Variants in VCL observed in about 807,000 individuals in gnomAD.
VCL encodes the protein vinculin.
In VCL, 47 loss-of-function variants were observed where a neutral mutation model predicts 125.7. The observed-to-expected ratio is 0.37, with a 90% CI of 0.30 to 0.48. The LOEUF is 0.48. VCL is among the 20% of genes least tolerant of loss of function. The pLI is 0.99. For synonymous variants in VCL, 458 were observed against 514.6 expected, an observed-to-expected ratio of 0.89 and a Z score of 1.49; for missense variants, 1,069 against 1,455.5, an observed-to-expected ratio of 0.73 and a Z score of 4.32.
intron 1 of VCL, among the ~76,000 whole-genome samples, chr10:74,007,965 G>C (rs1840351333): frequency 6.6e-6 from 1 of 151,910 alleles, no homozygotes; most frequent in Middle Eastern, 3.2e-3. Context: ...ACCATGGACG[G>C]CTAATTTTTG....
chr10:74,013,811 C>A (rs986387168), intron 1 of VCL, among the ~76,000 whole-genome samples: 3 of 152,048 alleles, frequency 2.0e-5, no homozygotes, highest in Non-Finnish European at 4.4e-5. Context: ...GAGCTAAGAG[C>A]TTTATGAGTG....
chr10:74,015,316 G>A (rs1840516672), intron 1 of VCL, among the ~76,000 whole-genome samples: 1 of 152,188 alleles, frequency 6.6e-6, no homozygotes, highest in Non-Finnish European at 1.5e-5. Flanking sequence ...ACTTTGGGGG[G>A]CCCAGGCGGG....
intron 7 of VCL, 42 bp downstream of exon 7, chr10:74,082,586 G>T (rs950580884): frequency 6.2e-7 from 1 of 1,601,250 alleles, no homozygotes; most frequent in Non-Finnish European, 8.6e-7. Context: ...ACAACGAGAA[G>T]CTAAAAACCA....
chr10:74,093,704 CAGG>C (rs1839924685), intron 10 of VCL, among the ~76,000 whole-genome samples: 1 of 151,966 alleles, frequency 6.6e-6, no homozygotes, highest in Non-Finnish European at 1.5e-5. Context: ...AAGGCTGAGG[CAGG>C]AGGATTGCTG....
chr10:74,095,893 C>T (rs200750087), intron 12 of VCL, 38 bp downstream of exon 12: 1 of 1,602,858 alleles, frequency 6.2e-7, no homozygotes, highest in African/African-American at 1.3e-5. Flanking sequence ...ACTTTTTATG[C>T]TTCCTATTAT....
intron 10 of VCL, among the ~76,000 whole-genome samples, chr10:74,091,069 G>C (rs997194644): frequency 1.3e-5 from 2 of 152,058 alleles, no homozygotes; most frequent in African/African-American, 4.8e-5. Flanking sequence ...CCAAAGTTTT[G>C]GGATTACAGG....
At chr10:74,065,190 G>A (rs1316810675) in intron 2 of VCL, among the ~76,000 whole-genome samples, 3 of 148,842 alleles carry the variant, frequency 2.0e-5, no homozygotes, top group African/African-American at 7.5e-5. Flanking sequence ...AGGCTGAAGT[G>A]CAGTGGCGTG....
chr10:74,020,086 T>G (rs1224964718), intron 1 of VCL, among the ~76,000 whole-genome samples: 1 of 151,684 alleles, frequency 6.6e-6, no homozygotes, highest in Non-Finnish European at 1.5e-5. Context: ...AGAAAAAAAT[T>G]ACTAATTTAT....
At chr10:74,089,158 G>A (rs763519372) in intron 8 of VCL, 38 bp from the exon 9 acceptor site, 13 of 1,613,284 alleles carry the variant, frequency 8.1e-6, no homozygotes, top group African/African-American at 1.3e-5. Context: ...TTAAGTATTT[G>A]AGGGTGTACA....
chr10:74,073,786 A>G (rs2136274727), intron 5 of VCL, among the ~76,000 whole-genome samples: 1 of 152,352 alleles, frequency 6.6e-6, no homozygotes, highest in South Asian at 2.1e-4. Context: ...CTCATGGTTT[A>G]TATGAATTAT....
chr10:74,068,990 C>G (rs1205468111), intron 2 of VCL, among the ~76,000 whole-genome samples: 2 of 151,314 alleles, frequency 1.3e-5, no homozygotes, highest in African/African-American at 4.8e-5. Flanking sequence ...TGATCAAAAG[C>G]CACATCAAAC....
At chr10:74,112,388 G>A (rs988469576) in intron 19 of VCL, among the ~76,000 whole-genome samples, 2 of 152,126 alleles carry the variant, frequency 1.3e-5, no homozygotes, top group South Asian at 2.1e-4. Flanking sequence ...TGTGGCCATC[G>A]CTGGAAACCC....
intron 8 of VCL, 93 bp downstream of exon 8, chr10:74,083,606 C>G: frequency 6.7e-7 from 1 of 1,494,794 alleles, no homozygotes; most frequent in Admixed American, 1.9e-5. Flanking sequence ...TTTGAGTTAT[C>G]TCTTTGGCTA....
At chr10:74,054,482 T>C (rs1209665893) in intron 2 of VCL, among the ~76,000 whole-genome samples, 4 of 152,230 alleles carry the variant, frequency 2.6e-5, no homozygotes, top group African/African-American at 9.6e-5. Context: ...TTGCCAGTTT[T>C]CTTCATAAGT....
intron 21 of VCL, among the ~76,000 whole-genome samples, chr10:74,116,697 AAT>A (rs1554819784): frequency 4.3e-4 from 60 of 140,944 alleles, no homozygotes; most frequent in Admixed American, 1.1e-3. Context: ...AAAAAAAAAA[AAT>A]AATAATAAAA....
In VCL at chr10:74,083,351, A is replaced by C; in HGVS notation, c.875-15A>C. On this transcript the variant is annotated splice_polypyrimidine_tract_variant and intron_variant, in intron 7 of 21. Coordinates refer to ENST00000211998, the MANE Select transcript of VCL (RefSeq NM_014000.3). ...TGTGTCAACAATGTAGTTATTGAAT[A>C]TCTCTTTATTTTAGGGGATGCTGGT... 6.2e-7 allele frequency: 1 copy of C among 1,613,736 alleles called. No homozygotes were observed.
chr10:74,077,417 C>A (rs917630393), intron 6 of VCL: 1 of 158,562 alleles, frequency 6.3e-6, no homozygotes, highest in African/African-American at 2.4e-5. Context: ...CCGCTCCTCA[C>A]CCTCTAAGAG....
chr10:74,084,198 T>A (rs755871899), intron 8 of VCL, among the ~76,000 whole-genome samples: 1 of 151,940 alleles, frequency 6.6e-6, no homozygotes, highest in African/African-American at 2.4e-5. Flanking sequence ...TTAGTAGAGA[T>A]GGGGTTTTGC....
chr10:74,033,047 A>G (rs10824059), intron 1 of VCL, among the ~76,000 whole-genome samples: 23,278 of 152,162 alleles, frequency 0.15, 1,866 homozygotes, highest in East Asian at 0.22. Flanking sequence ...ACCAAGAGAA[A>G]TGAAAACATG....
Sources: gnomAD v4.1 joint callset for allele counts (sites outside exome capture counted in the v4.1 genomes callset) on GRCh38, gnomAD v4.1.1 for gene constraint, MANE v1.5 for transcripts, NCBI Gene and HGNC (gene_info 2026-07-23, HGNC 2026-07-21) for gene names.